Variants in MRAP observed in about 807,000 individuals in gnomAD.
The protein encoded by MRAP is melanocortin 2 receptor accessory protein, also known as melanocortin-2 receptor accessory protein.
In MRAP, 8 loss-of-function variants were observed where a neutral mutation model predicts 8.7. The observed-to-expected ratio is 0.92, with a 90% confidence interval of 0.54 to 1.66. MRAP has a LOEUF of 1.66. Among genes scored for constraint, MRAP ranks in the 40% most tolerant of loss-of-function variants. MRAP has a pLI of 0.00. For missense variants in MRAP, 237 were observed against 217.1 expected, an observed-to-expected ratio of 1.09 and a Z score of -0.58; for synonymous variants, 95 against 95.5, an observed-to-expected ratio of 1.00 and a Z score of 0.03.
downstream of MRAP, chr21:32,312,311 T>C: frequency 7.7e-7 from 1 of 1,299,852 alleles, no homozygotes; most frequent in Non-Finnish European, 9.9e-7. Context: ...TACTAATCTT[T>C]ACTATGCCAC....
chr21:32,305,643 A>G (rs909052224), intron 1 of MRAP, among the ~76,000 whole-genome samples: 2 of 152,168 alleles, frequency 1.3e-5, no homozygotes, highest in Non-Finnish European at 2.9e-5. Flanking sequence ...AAGGCGCTCA[A>G]TGAATTCTCG....
downstream of MRAP, chr21:32,314,256 C>T (rs2032641704): frequency 2.8e-6 from 1 of 359,208 alleles, no homozygotes; most frequent in South Asian, 2.4e-5. Flanking sequence ...ACGATCTCAG[C>T]TCACTGTAGC....
At chr21:32,313,206 C>T (rs1180993519), downstream of MRAP, 1 of 152,368 alleles carries the variant, frequency 6.6e-6, no homozygotes, top group African/African-American at 2.4e-5. Flanking sequence ...GAAATCCACC[C>T]CACCTGCTCG....
At chr21:32,314,390 G>A, downstream of MRAP, 2 of 624,480 alleles carry the variant, frequency 3.2e-6, no homozygotes, top group South Asian at 1.7e-5. Flanking sequence ...TCACCATGTT[G>A]GGAAGGCTGG....
chr21:32,313,630 T>G (rs1274658432), downstream of MRAP: 2 of 152,174 alleles, frequency 1.3e-5, no homozygotes, highest in African/African-American at 4.8e-5. Flanking sequence ...GAAACAATTC[T>G]AAAGAACACT....
At chr21:32,299,197 G>C in intron 1 of MRAP, 120 bp downstream of exon 1, 1 of 765,522 alleles carries the variant, frequency 1.3e-6, no homozygotes, top group South Asian at 1.5e-5. Flanking sequence ...TGGGAAAGCA[G>C]GAATGTGGCC....
chr21:32,296,322 A>G (rs1270203655), upstream of MRAP, among the ~76,000 whole-genome samples: 2 of 152,182 alleles, frequency 1.3e-5, no homozygotes, highest in Non-Finnish European at 2.9e-5. Flanking sequence ...GGGGGAGCAC[A>G]ATTCAGCCCA....
At chr21:32,297,541 C>T (rs1035252423), upstream of MRAP, among the ~76,000 whole-genome samples, 3 of 152,152 alleles carry the variant, frequency 2.0e-5, no homozygotes, top group Admixed American at 6.5e-5. Flanking sequence ...GTCTCTTCCA[C>T]GTGGCTGTTC....
At chr21:32,295,001 GT>G (rs2032115522), upstream of MRAP, among the ~76,000 whole-genome samples, 1 of 151,554 alleles carries the variant, frequency 6.6e-6, no homozygotes, top group African/African-American at 2.4e-5. Context: ...TAAAAATAAT[GT>G]GTATTCTGCA....
In MRAP at chr21:32,300,829, G is replaced by A. The variant is rs376863302; in HGVS notation, c.106+1752G>A. ...ATGTCAGGGGCGTCATGTGTCCTAT[G>A]TCGGATATGTCATGCGCCCTATGTC... On this transcript the variant is annotated intron_variant, in intron 1 of 2. Coordinates refer to ENST00000303645, the MANE Select transcript of MRAP (RefSeq NM_001379228.1). 1.7e-3 allele frequency among the ~76,000 whole-genome samples: 243 copies of A among 147,088 alleles called. 2 individuals carry two copies. The Middle Eastern group carries it at 0.031, about 19-fold the overall frequency.
chr21:32,301,549 ATCT>A (rs1228532081), intron 1 of MRAP, among the ~76,000 whole-genome samples: 1 of 152,144 alleles, frequency 6.6e-6, no homozygotes, highest in African/African-American at 2.4e-5. Flanking sequence ...TACATGTTTG[ATCT>A]TCATCTGTGC....
chr21:32,312,799 AG>A (rs751588513), downstream of MRAP: 3 of 152,234 alleles, frequency 2.0e-5, no homozygotes, highest in Non-Finnish European at 4.4e-5. Context: ...TACAGCTTTC[AG>A]GCAAGGAGGG....
downstream of MRAP, chr21:32,313,624 C>T (rs1159769149): frequency 6.6e-6 from 1 of 152,102 alleles, no homozygotes; most frequent in African/African-American, 2.4e-5. Context: ...AAAACAGAAA[C>T]AATTCTAAAG....
chr21:32,298,980 C>T lies in MRAP; in HGVS notation c.9C>T (p.Asn3=), dbSNP rs750997753. 1.7e-5 allele frequency: 27 copies of T among 1,613,484 alleles called. No homozygotes were observed. The highest frequency in any genetic ancestry group is 2.2e-5 in the Non-Finnish European group (26 of 1,179,544). Residue 3 remains asparagine (N), a synonymous_variant, in exon 1 of 3, where the codon AAC becomes AAT. Transcript: ENST00000303645. The part of the protein sequence containing the change: MA[N]GTNASAPYYS... Reference sequence around the variant, plus strand: ...TGCCCAGTGCCACAGACATGGCCAACGGGACCAACGCCTCTGCCCCATACT... The same window carrying T: ...TGCCCAGTGCCACAGACATGGCCAATGGGACCAACGCCTCTGCCCCATACT...
chr21:32,312,226 G>C lies in MRAP; in HGVS notation c.*230G>C. ...TTTATTGAGCACACCTAGCCTGCTT[G>C]CTTACTGCTTATATTTGCTCAGGGA... On this transcript the variant is annotated 3_prime_UTR_variant, in exon 3 of 3. Transcript: ENST00000303645. 1 of 1,443,202 alleles carries C rather than the reference G, an allele frequency of 6.9e-7. No homozygotes were observed. The highest frequency in any genetic ancestry group is 9.1e-7 in the Non-Finnish European group (1 of 1,100,940). 89.4% of individuals were successfully genotyped at this position (1,443,202 alleles called of 1,614,324 possible).
Position 32,311,927 on chromosome 21 carries a change from G to A in MRAP, c.450G>A (p.Gly150=), listed in dbSNP as rs765792719. The A allele has an allele frequency of 6.2e-7, 1 of 1,613,746 alleles. No homozygotes were observed. Among genetic ancestry groups the A allele is most frequent in the East Asian group, 2.2e-5 (1 of 44,876 alleles). Residue 150 remains glycine, a synonymous_variant, in exon 3 of 3, where the codon GGG becomes GGA. Transcript: ENST00000303645. The part of the protein sequence containing the change: ...PTLLWELTLN[G]GPLVRSKPSE... ...TCCTCTGGGAACTGACCCTCAATGG[G>A]GGTCCCCTCGTCAGGAGCAAGCCCA...
Position 32,304,162 on chromosome 21 carries a change from T to C in MRAP, c.107-2478T>C, listed in dbSNP as rs1027871768. Among the ~76,000 whole-genome samples the C allele has an allele frequency of 2.6e-5, 4 of 152,276 alleles. No homozygotes were observed. In the East Asian group the frequency reaches 7.7e-4, roughly 29 times the overall value. ...AAGAGCATTAGTGTCCGCAGAAACC[T>C]AAAATATCCCTACAGAATAAAACTT... is the stretch of plus-strand genomic sequence containing the variant. On this transcript the variant is annotated intron_variant, in intron 1 of 2. Coordinates refer to ENST00000303645, the MANE Select transcript of MRAP (RefSeq NM_001379228.1).
At chr21:32,308,345 C>G (rs1181069108) in intron 2 of MRAP, among the ~76,000 whole-genome samples, 1 of 151,810 alleles carries the variant, frequency 6.6e-6, no homozygotes, top group African/African-American at 2.4e-5. Context: ...CCACTGCACT[C>G]CAGCCTGGGC....
At chr21:32,314,450 G>A (rs1185997963), downstream of MRAP, 2 of 1,084,314 alleles carry the variant, frequency 1.8e-6, no homozygotes, top group Non-Finnish European at 2.8e-6. Flanking sequence ...CTCCCAAAGT[G>A]CTGGGATTAT....
Sources: allele counts gnomAD v4.1 joint callset (sites outside exome capture counted in the v4.1 genomes callset), GRCh38; gene constraint gnomAD v4.1.1; transcripts MANE v1.5; gene names NCBI Gene and HGNC (gene_info 2026-07-23, HGNC 2026-07-21).